Variants in NARS2 observed in about 807,000 individuals in gnomAD.
The protein encoded by NARS2 is asparaginyl-tRNA synthetase.
NARS2 carries 60 observed loss-of-function variants against 62.9 expected under a neutral mutation model. The ratio of observed to expected loss-of-function variants is 0.95; its 90% confidence interval spans 0.77 to 1.18. NARS2 has a LOEUF of 1.18. Among genes scored for constraint, NARS2 ranks in the 50% most tolerant of loss-of-function variants. NARS2 has a pLI of 0.00. For synonymous variants in NARS2, 196 were observed against 200.0 expected (o/e 0.98, Z 0.17); for missense variants, 619 against 576.4 (o/e 1.07, Z -0.76).
chr11:78,510,290 T>A (rs369545399), intron 6 of NARS2, among the ~76,000 whole-genome samples: 3 of 151,922 alleles, frequency 2.0e-5, no homozygotes, highest in South Asian at 2.1e-4. Flanking sequence ...GGAAAAAAAA[T>A]TTTCCATGCA....
chr11:78,570,225 T>G (rs1646098222), intron 2 of NARS2, among the ~76,000 whole-genome samples: 1 of 152,208 alleles, frequency 6.6e-6, no homozygotes, highest in African/African-American at 2.4e-5. Context: ...CAGAACAATT[T>G]TTTTTTGTTC....
At chr11:78,505,813 T>C (rs543251199) in intron 6 of NARS2, among the ~76,000 whole-genome samples, 28 of 152,112 alleles carry the variant, frequency 1.8e-4, no homozygotes, top group Non-Finnish European at 3.2e-4. Context: ...TGGCAATCTT[T>C]TGGACAGGAT....
At chr11:78,551,475 T>C (rs2135491816) in intron 5 of NARS2, among the ~76,000 whole-genome samples, 1 of 152,366 alleles carries the variant, frequency 6.6e-6, no homozygotes, top group Admixed American at 6.5e-5. Flanking sequence ...TGTCACTGAC[T>C]GCAATGTTGC....
At chr11:78,536,320 G>A (rs1422113247) in intron 5 of NARS2, among the ~76,000 whole-genome samples, 3 of 152,140 alleles carry the variant, frequency 2.0e-5, no homozygotes, top group African/African-American at 7.2e-5. Context: ...GAAGTTAACT[G>A]TAAAACAAGC....
At chr11:78,448,607 G>A (rs1034278026) in intron 11 of NARS2, among the ~76,000 whole-genome samples, 9 of 152,046 alleles carry the variant, frequency 5.9e-5, no homozygotes, top group Non-Finnish European at 7.4e-5. Context: ...CACTGTGCCC[G>A]GCAGTAATCA....
At chr11:78,547,736 C>T (rs73506991) in intron 5 of NARS2, among the ~76,000 whole-genome samples, 1 of 152,142 alleles carries the variant, frequency 6.6e-6, no homozygotes, top group Non-Finnish European at 1.5e-5. Context: ...TATTTATGAA[C>T]GTATGACTAG....
At chr11:78,535,426 A>C (rs906774673) in intron 5 of NARS2, among the ~76,000 whole-genome samples, 2 of 152,218 alleles carry the variant, frequency 1.3e-5, no homozygotes, top group Non-Finnish European at 2.9e-5. Flanking sequence ...AAAATCTCAA[A>C]ATCAGAATTC....
At chr11:78,509,347 G>A (rs1860628547) in intron 6 of NARS2, among the ~76,000 whole-genome samples, 1 of 152,060 alleles carries the variant, frequency 6.6e-6, no homozygotes, top group Non-Finnish European at 1.5e-5. Flanking sequence ...GTCCTGCCGG[G>A]TGAAATGAAA....
intron 9 of NARS2, among the ~76,000 whole-genome samples, chr11:78,470,620 C>A (rs1858829487): frequency 6.6e-6 from 1 of 152,086 alleles, no homozygotes; most frequent in South Asian, 2.1e-4. Context: ...AATTAGTTAA[C>A]CAGTGACCTG....
intron 5 of NARS2, among the ~76,000 whole-genome samples, chr11:78,558,730 A>G (rs546674177): frequency 6.6e-5 from 10 of 152,360 alleles, no homozygotes; most frequent in African/African-American, 2.2e-4. Context: ...AACTCAAAAA[A>G]TGATTGCTAG....
At chr11:78,528,971 T>A in intron 5 of NARS2, 35 bp from the exon 6 acceptor site, 1 of 1,381,028 alleles carries the variant, frequency 7.2e-7, no homozygotes, top group Non-Finnish European at 1.0e-6. Context: ...AAAAAACTAT[T>A]AAATGTTTTG....
intron 2 of NARS2, 143 bp downstream of exon 2, chr11:78,571,192 C>T (rs1381720578): frequency 1.7e-5 from 10 of 591,250 alleles, no homozygotes; most frequent in Admixed American, 5.9e-5. Flanking sequence ...TCCAAATATT[C>T]GGAGTTGATC....
At chr11:78,502,609 G>C (rs1033551597) in intron 6 of NARS2, among the ~76,000 whole-genome samples, 5 of 152,314 alleles carry the variant, frequency 3.3e-5, no homozygotes, top group Non-Finnish European at 7.4e-5. Context: ...TGACGGAAAT[G>C]TTCTGGAACT....
intron 5 of NARS2, among the ~76,000 whole-genome samples, chr11:78,549,216 G>T (rs967951140): frequency 2.6e-5 from 4 of 152,200 alleles, no homozygotes; most frequent in South Asian, 4.1e-4. Context: ...CCTGGGGTGG[G>T]GGTTCCATGC....
chr11:78,568,611 C>T, intron 3 of NARS2, 21 bp downstream of exon 3: 10 of 1,608,466 alleles, frequency 6.2e-6, no homozygotes, highest in Admixed American at 1.7e-5. Flanking sequence ...ACAGCCTCCA[C>T]AAAAGTGTCA....
intron 11 of NARS2, among the ~76,000 whole-genome samples, chr11:78,446,388 T>C (rs1370750089): frequency 3.3e-5 from 5 of 152,236 alleles, no homozygotes; most frequent in African/African-American, 9.6e-5. Context: ...GGCTGGGCTC[T>C]AATCAGGACC....
At chr11:78,457,863 T>G (rs1220421461) in intron 11 of NARS2, among the ~76,000 whole-genome samples, 1 of 152,004 alleles carries the variant, frequency 6.6e-6, no homozygotes, top group African/African-American at 2.4e-5. Flanking sequence ...TATCATAAGA[T>G]TTTATCAAAA....
chr11:78,509,999 TAAG>T (rs1860659305), intron 6 of NARS2, among the ~76,000 whole-genome samples: 1 of 151,250 alleles, frequency 6.6e-6, no homozygotes, highest in Non-Finnish European at 1.5e-5. Flanking sequence ...CAAAAGAAAA[TAAG>T]AAAGAAATTT....
At chr11:78,459,904 C>A (rs949735883) in intron 11 of NARS2, among the ~76,000 whole-genome samples, 1 of 152,148 alleles carries the variant, frequency 6.6e-6, no homozygotes, top group Non-Finnish European at 1.5e-5. Context: ...TAACATGGTA[C>A]GACTGCAGCA....
Sources: gnomAD v4.1 joint callset for allele counts (sites outside exome capture counted in the v4.1 genomes callset) on GRCh38, gnomAD v4.1.1 for gene constraint, MANE v1.5 for transcripts, NCBI Gene and HGNC (gene_info 2026-07-23, HGNC 2026-07-21) for gene names.